MCF2L2: variants seen among roughly 807,000 people sequenced by gnomAD.
MCF2L2 encodes probable guanine nucleotide exchange factor MCF2L2.
MCF2L2 carries 102 observed loss-of-function variants against 150.2 expected under a neutral mutation model. That is an observed-to-expected ratio of 0.68 (90% CI 0.58 to 0.80). The LOEUF is 0.80. Among genes scored for constraint, MCF2L2 ranks in the 30% least tolerant of loss-of-function variants. The pLI is 0.00. For missense variants in MCF2L2, 1,256 were observed against 1,372.8 expected, an observed-to-expected ratio of 0.91 and a Z score of 1.34; for synonymous variants, 465 against 491.3, an observed-to-expected ratio of 0.95 and a Z score of 0.71.
intron 3 of MCF2L2, among the ~76,000 whole-genome samples, chr3:183,342,082 C>A (rs1032887141): frequency 3.9e-5 from 6 of 152,132 alleles, no homozygotes; most frequent in Non-Finnish European, 7.3e-5. Context: ...AGAATTAACA[C>A]GTCAGTGGGA....
intron 27 of MCF2L2, 89 bp downstream of exon 27, chr3:183,192,909 TG>T: frequency 1.1e-6 from 1 of 889,412 alleles, no homozygotes. Flanking sequence ...AAAGAAGGGC[TG>T]GGCCCTAGGT....
At chr3:183,233,750 T>G (rs527536808) in intron 15 of MCF2L2, among the ~76,000 whole-genome samples, 10 of 152,286 alleles carry the variant, frequency 6.6e-5, no homozygotes, top group African/African-American at 2.4e-4. Flanking sequence ...TACAATCTTT[T>G]TTAAAGTGAA....
intron 1 of MCF2L2, among the ~76,000 whole-genome samples, chr3:183,400,069 C>G (rs1390449396): frequency 6.6e-6 from 1 of 152,144 alleles, no homozygotes; most frequent in Non-Finnish European, 1.5e-5. Context: ...AAAACAAGCT[C>G]ATACTTACAC....
Position 183,203,620 on chromosome 3 carries a change from G to A in MCF2L2, c.2884+2256C>T, listed in dbSNP as rs78523016. ...AGATACCTTCAAGCACGCTAATGAC[G>A]CATAATGGCAGTCTCAGAAGGAGAG... On this transcript the variant is annotated intron_variant, in intron 25 of 29. Transcript: ENST00000328913. Among the ~76,000 whole-genome samples, 671 of 152,290 alleles carry A rather than the reference G, an allele frequency of 4.4e-3. 3 individuals carry two copies. Among genetic ancestry groups the A allele is most frequent in the African/African-American group, 0.015 (629 of 41,566 alleles).
At chr3:183,412,014 AAGG>A (rs1715338274) in intron 1 of MCF2L2, among the ~76,000 whole-genome samples, 1 of 152,240 alleles carries the variant, frequency 6.6e-6, no homozygotes. Flanking sequence ...TTAAAAAGCC[AAGG>A]AGATGTTCTG....
intron 10 of MCF2L2, among the ~76,000 whole-genome samples, chr3:183,308,119 T>C (rs1241843602): frequency 6.6e-6 from 1 of 152,236 alleles, no homozygotes; most frequent in Non-Finnish European, 1.5e-5. Context: ...ATTTATTTGA[T>C]TGCTTTTTAG....
At chr3:183,288,906 G>A (rs1277635355) in intron 14 of MCF2L2, among the ~76,000 whole-genome samples, 1 of 151,914 alleles carries the variant, frequency 6.6e-6, no homozygotes, top group East Asian at 1.9e-4. Flanking sequence ...TCACATACAT[G>A]ACCAAATAGC....
At chr3:183,361,425 T>C (rs1712196373) in intron 3 of MCF2L2, among the ~76,000 whole-genome samples, 1 of 152,212 alleles carries the variant, frequency 6.6e-6, no homozygotes. Flanking sequence ...GATTAGATCA[T>C]GGGGGCAGAT....
At chr3:183,344,824 AAAG>A (rs1463378913) in intron 3 of MCF2L2, among the ~76,000 whole-genome samples, 1 of 152,222 alleles carries the variant, frequency 6.6e-6, no homozygotes, top group African/African-American at 2.4e-5. Flanking sequence ...CAAAAAAGAC[AAAG>A]AAGGGAATTA....
intron 3 of MCF2L2, among the ~76,000 whole-genome samples, chr3:183,341,872 G>C (rs554324276): frequency 3.5e-4 from 53 of 152,314 alleles, no homozygotes; most frequent in African/African-American, 1.2e-3. Context: ...AAACACCAAA[G>C]GAACACGTGT....
At chr3:183,355,882 G>A (rs948486933) in intron 3 of MCF2L2, among the ~76,000 whole-genome samples, 3 of 152,078 alleles carry the variant, frequency 2.0e-5, no homozygotes, top group African/African-American at 7.2e-5. Context: ...CAGGCTTCCA[G>A]GTGATGTTCA....
rs76666646 is a variant in MCF2L2 at position 183,267,664 on chromosome 3, A to T, written c.1862+9208T>A. Reference sequence around the variant, plus strand: ...CCAGGAAACTAATGTACCACCCCCGAGGAAGAGAGCCTACCTTTCCATCCA... The same window carrying T: ...CCAGGAAACTAATGTACCACCCCCGTGGAAGAGAGCCTACCTTTCCATCCA... On this transcript the variant is annotated intron_variant, in intron 15 of 29. Coordinates refer to ENST00000328913, the MANE Select transcript of MCF2L2 (RefSeq NM_015078.4). The surrounding 1 kb of genome is among the most constrained non-coding windows in gnomAD (Gnocchi z 5.5). 0.021 allele frequency among the ~76,000 whole-genome samples: 3,141 copies of T among 152,320 alleles called. 52 individuals carry two copies. Among genetic ancestry groups the T allele is most frequent in the East Asian group, 0.055 (285 of 5,182 alleles).
chr3:183,257,890 T>A (rs28731202), intron 15 of MCF2L2, among the ~76,000 whole-genome samples: 1 of 150,984 alleles, frequency 6.6e-6, no homozygotes, highest in Non-Finnish European at 1.5e-5. Flanking sequence ...TTTTCTCTTA[T>A]GTGCTTAAAA....
intron 27 of MCF2L2, among the ~76,000 whole-genome samples, chr3:183,185,977 T>TA (rs1721679688): frequency 1.3e-5 from 2 of 152,270 alleles, no homozygotes; most frequent in South Asian, 4.1e-4. Context: ...CTGGCTGTCT[T>TA]AGACTTTCAG....
intron 22 of MCF2L2, among the ~76,000 whole-genome samples, chr3:183,213,514 C>A (rs1192141056): frequency 6.6e-6 from 1 of 151,910 alleles, no homozygotes; most frequent in Non-Finnish European, 1.5e-5. Context: ...TATTAAATTT[C>A]AAGCAGAGAA....
At chr3:183,360,159 AT>A in intron 3 of MCF2L2, among the ~76,000 whole-genome samples, 1 of 152,354 alleles carries the variant, frequency 6.6e-6, no homozygotes, top group South Asian at 2.1e-4. Context: ...CAGCAGCTGC[AT>A]TCACAACAGA....
intron 15 of MCF2L2, among the ~76,000 whole-genome samples, chr3:183,239,654 T>C (rs1192335983): frequency 1.3e-5 from 2 of 150,128 alleles, no homozygotes; most frequent in African/African-American, 2.4e-5. Context: ...TTTTTGCTCA[T>C]TATTGTCAAC....
intron 10 of MCF2L2, among the ~76,000 whole-genome samples, chr3:183,308,874 C>T (rs59363994): frequency 0.062 from 9,401 of 152,144 alleles, 409 homozygotes; most frequent in East Asian, 0.12. Flanking sequence ...GCAAAATTGC[C>T]GTCTGAGAAA....
chr3:183,331,135 T>A (rs937973380), intron 5 of MCF2L2, among the ~76,000 whole-genome samples: 1 of 152,162 alleles, frequency 6.6e-6, no homozygotes, highest in Non-Finnish European at 1.5e-5. Flanking sequence ...CCCTAAGTCA[T>A]CCCAGGGCCA....
Sources: allele counts gnomAD v4.1 joint callset (sites outside exome capture counted in the v4.1 genomes callset), GRCh38; gene constraint gnomAD v4.1.1; non-coding constraint Gnocchi (gnomAD v3.1); transcripts MANE v1.5; gene names NCBI Gene and HGNC (gene_info 2026-07-23, HGNC 2026-07-21).